MYBPC1: variants seen among roughly 807,000 people sequenced by gnomAD.
The protein encoded by MYBPC1 is myosin-binding protein C, slow-type.
Under a neutral mutation model 147.1 loss-of-function variants are expected in MYBPC1, and 52 were observed. The ratio of observed to expected loss-of-function variants is 0.35; its 90% CI spans 0.28 to 0.45. The LOEUF is 0.45. Among genes scored for constraint, MYBPC1 ranks in the 20% least tolerant of loss-of-function variants. The pLI is 1.00. For synonymous variants in MYBPC1, 477 were observed against 475.9 expected (o/e 1.00, Z -0.03); for missense variants, 1,228 against 1,440.3 (o/e 0.85, Z 2.39).
At chr12:101,649,518 T>A in intron 15 of MYBPC1, 92 bp downstream of exon 15, 1 of 1,427,998 alleles carries the variant, frequency 7.0e-7, no homozygotes, top group Admixed American at 1.7e-5. Flanking sequence ...TTGATTTCTA[T>A]TTGCGATGAT....
At chr12:101,671,643 G>A (rs1898759351) in intron 24 of MYBPC1, among the ~76,000 whole-genome samples, 1 of 152,142 alleles carries the variant, frequency 6.6e-6, no homozygotes, top group South Asian at 2.1e-4. Context: ...CAGGTATTGG[G>A]GACCCAGCCC....
At chr12:101,634,453 G>A (rs1304096450) in intron 8 of MYBPC1, 101 bp from the exon 9 acceptor site, 4 of 971,262 alleles carry the variant, frequency 4.1e-6, no homozygotes, top group Non-Finnish European at 6.6e-6. Flanking sequence ...CCCTTCACCT[G>A]ACATTCTTCC....
intron 10 of MYBPC1, among the ~76,000 whole-genome samples, chr12:101,640,226 G>A (rs570890447): frequency 2.0e-5 from 3 of 152,194 alleles, no homozygotes; most frequent in South Asian, 2.1e-4. Flanking sequence ...TGCCCAGGCT[G>A]GTCTCGAACT....
At chr12:101,656,770 C>T (rs963201162) in intron 18 of MYBPC1, among the ~76,000 whole-genome samples, 6 of 152,122 alleles carry the variant, frequency 3.9e-5, no homozygotes, top group African/African-American at 1.2e-4. Flanking sequence ...TGACATCCCT[C>T]TATCAGAAAT....
In MYBPC1 at chr12:101,634,549, C is replaced by G; in HGVS notation, c.557-5C>G. Reference sequence around the variant, plus strand: ...TTTATGTTATTGTTTTCTTTCCTTTCAAAGAATCTACTGGGACTACTCCAA... The same window carrying G: ...TTTATGTTATTGTTTTCTTTCCTTTGAAAGAATCTACTGGGACTACTCCAA... On this transcript the variant is annotated splice_region_variant and splice_polypyrimidine_tract_variant and intron_variant, in intron 8 of 31. Transcript: ENST00000361466. 1 of 1,610,756 alleles carries G rather than the reference C, an allele frequency of 6.2e-7. No homozygotes were observed. The highest frequency in any genetic ancestry group is 1.3e-5 in the African/African-American group (1 of 74,974).
Position 101,653,197 on chromosome 12 carries a change from C to T in MYBPC1, c.1716C>T (p.Ile572=). The change falls in exon 18 of 32, where the codon ATC becomes ATT. Residue 572 remains isoleucine, a synonymous_variant. Transcript: ENST00000361466. ...CAGGAAACAAGCTTCGTCTTGAGAT[C>T]CCCATCAGCGGAGAACCACCTCCTA... is the stretch of plus-strand genomic sequence containing the variant. The part of the protein sequence containing the change: ...VIAGNKLRLE[I]PISGEPPPKA... 1 of 1,614,118 alleles carries T rather than the reference C, an allele frequency of 6.2e-7. No homozygotes were observed. Among genetic ancestry groups the T allele is most frequent in the Non-Finnish European group, 8.5e-7 (1 of 1,180,026 alleles).
intron 29 of MYBPC1, among the ~76,000 whole-genome samples, chr12:101,681,312 T>C (rs1187493673): frequency 2.0e-5 from 3 of 151,838 alleles, no homozygotes; most frequent in Non-Finnish European, 4.4e-5. Flanking sequence ...TATGAGATAA[T>C]AGGTGACATG....
rs76400667 is a variant in MYBPC1 at position 101,675,877 on chromosome 12, T to C, written c.2949+446T>C. 9.2e-4 allele frequency among the ~76,000 whole-genome samples: 140 copies of C among 152,350 alleles called. 1 individual carries two copies. The East Asian group carries it at 0.011, about 12-fold the overall frequency. On this transcript the variant is annotated intron_variant, in intron 26 of 31. Coordinates refer to ENST00000361466, the MANE Select transcript of MYBPC1 (RefSeq NM_002465.4). ...ATAAATGTTGGATACTGTGCACTTATGTCTACAAAAAAGTAAAAAGACAGA... is the reference window on the plus strand; with the variant it reads ...ATAAATGTTGGATACTGTGCACTTACGTCTACAAAAAAGTAAAAAGACAGA...
chr12:101,641,063 G>GATC lies in MYBPC1; in HGVS notation c.666-1354_666-1352dup, dbSNP rs940018533. 8.1e-4 allele frequency among the ~76,000 whole-genome samples: 113 copies of GATC among 139,368 alleles called. No individual in the cohort carries two copies. The Middle Eastern group carries it at 0.021, about 25-fold the overall frequency. The allele number at this position is 139,368 out of a possible 152,430, so 91.4% of individuals were successfully genotyped here. A position where few individuals can be genotyped will look rare whatever the true frequency, so the allele number is the denominator to read the frequency against. ...AGAGGCAGAGATTGCAGTGAGCTGAGATCACACCACTTCACTCCAACCTGG... is the reference window on the plus strand; with the variant it reads ...AGAGGCAGAGATTGCAGTGAGCTGAGATCATCACACCACTTCACTCCAACCTGG... On this transcript the variant is annotated intron_variant, in intron 10 of 31. Coordinates refer to ENST00000361466, the MANE Select transcript of MYBPC1 (RefSeq NM_002465.4).
chr12:101,655,978 ATAGT>A (rs1156421583), intron 18 of MYBPC1, among the ~76,000 whole-genome samples: 1 of 152,140 alleles, frequency 6.6e-6, no homozygotes, highest in Non-Finnish European at 1.5e-5. Flanking sequence ...GTATGCTTAT[ATAGT>A]TATATTTATG....
Position 101,659,409 on chromosome 12 carries a change from C to T in MYBPC1, c.1768-263C>T, listed in dbSNP as rs74378805. ...TTTCTGCTACTTCCTACCTGTGTGACCTTGAGCAAGATGAGTCTCAGTTTC... is the reference window on the plus strand; with the variant it reads ...TTTCTGCTACTTCCTACCTGTGTGATCTTGAGCAAGATGAGTCTCAGTTTC... On this transcript the variant is annotated intron_variant, in intron 18 of 31. Transcript: ENST00000361466. 3.8e-3 allele frequency among the ~76,000 whole-genome samples: 578 copies of T among 152,194 alleles called. 7 individuals are homozygous for T. The highest frequency in any genetic ancestry group is 0.013 in the African/African-American group (540 of 41,512).
chr12:101,682,652 GGCA>G lies in MYBPC1; in HGVS notation c.3486_3488del (p.Gln1164del). 2 of 1,612,764 alleles carry G rather than the reference GGCA, an allele frequency of 1.2e-6. No homozygotes were observed. The highest frequency in any genetic ancestry group is 1.7e-6 in the Non-Finnish European group (2 of 1,178,866). Reference sequence around the variant, plus strand: ...CCTGGACAACCAGTCTTCCTGGAGGGGCAGCAACAGGTTTAAAAAGTTTATATC... The same window carrying G: ...CCTGGACAACCAGTCTTCCTGGAGGGGCAACAGGTTTAAAAAGTTTATATC... On this transcript the variant is annotated inframe_deletion, in exon 30 of 32. Transcript: ENST00000361466.
chr12:101,601,547 C>A (rs955462546), intron 1 of MYBPC1, among the ~76,000 whole-genome samples: 1 of 152,142 alleles, frequency 6.6e-6, no homozygotes, highest in Non-Finnish European at 1.5e-5. Context: ...ATAATGAGTT[C>A]ACAAAAAGCT....
At chr12:101,636,815 C>A in intron 10 of MYBPC1, 87 bp downstream of exon 10, 1 of 1,098,178 alleles carries the variant, frequency 9.1e-7, no homozygotes, top group Non-Finnish European at 1.4e-6. Context: ...AGTGGATGTT[C>A]TTCAGAGAAT....
intron 29 of MYBPC1, 24 bp from the exon 30 acceptor site, chr12:101,682,580 G>T (rs1480106600): frequency 1.3e-6 from 2 of 1,599,534 alleles, no homozygotes; most frequent in Non-Finnish European, 1.7e-6. Context: ...AATAAATACT[G>T]GTACAAATAT....
intron 4 of MYBPC1, 65 bp downstream of exon 4, chr12:101,626,975 G>GA: frequency 6.8e-7 from 1 of 1,479,222 alleles, no homozygotes; most frequent in Non-Finnish European, 9.4e-7. Flanking sequence ...TAGAGGAAAA[G>GA]AAAAGGCAGT....
intron 1 of MYBPC1, among the ~76,000 whole-genome samples, chr12:101,604,903 G>A (rs1881541650): frequency 6.6e-6 from 1 of 152,134 alleles, no homozygotes; most frequent in Admixed American, 6.5e-5. Context: ...ACCACCTAAG[G>A]CACAACATTT....
intron 10 of MYBPC1, among the ~76,000 whole-genome samples, chr12:101,641,948 A>G (rs1892145874): frequency 6.6e-6 from 1 of 152,120 alleles, no homozygotes; most frequent in Non-Finnish European, 1.5e-5. Flanking sequence ...TACTGTCTCC[A>G]TATTTAGCTA....
At chr12:101,636,797 A>G (rs1487541016) in intron 10 of MYBPC1, 69 bp downstream of exon 10, 2 of 1,264,704 alleles carry the variant, frequency 1.6e-6, no homozygotes, top group Non-Finnish European at 2.3e-6. Context: ...CAGAGAAGTC[A>G]AGTTTAAAGT....
Sources: gnomAD v4.1 joint callset for allele counts (sites outside exome capture counted in the v4.1 genomes callset) on GRCh38, gnomAD v4.1.1 for gene constraint, MANE v1.5 for transcripts, NCBI Gene and HGNC (gene_info 2026-07-23, HGNC 2026-07-21) for gene names.